VIT: variants seen among roughly 807,000 people sequenced by gnomAD.
VIT encodes the protein vitrin.
Under a neutral mutation model 78.0 loss-of-function variants are expected in VIT, and 99 were observed. The ratio of observed to expected loss-of-function variants is 1.27; its 90% confidence interval spans 1.08 to 1.50. VIT has a LOEUF of 1.50. Among genes scored for constraint, VIT ranks in the 40% most tolerant of loss-of-function variants. The pLI is 0.00. For missense variants in VIT, 1,126 were observed against 875.3 expected (o/e 1.29, Z -3.61); for synonymous variants, 374 against 334.3 (o/e 1.12, Z -1.29).
intron 12 of VIT, among the ~76,000 whole-genome samples, chr2:36,794,517 G>C (rs985491789): frequency 6.6e-6 from 1 of 152,170 alleles, no homozygotes; most frequent in Non-Finnish European, 1.5e-5. Context: ...CTGGTCCTGA[G>C]ACCTGCCACG....
intron 9 of VIT, among the ~76,000 whole-genome samples, chr2:36,781,510 A>G (rs564613869): frequency 7.2e-5 from 11 of 152,334 alleles, no homozygotes; most frequent in African/African-American, 2.4e-4. Context: ...AATGAAAAAG[A>G]AATTGGTAAA....
intron 12 of VIT, among the ~76,000 whole-genome samples, chr2:36,799,436 G>C (rs947171048): frequency 1.3e-5 from 2 of 152,212 alleles, no homozygotes; most frequent in African/African-American, 4.8e-5. Context: ...TTCTTGGCCA[G>C]GCATGGTGGC....
At chr2:36,719,421 T>C (rs538371579) in intron 2 of VIT, among the ~76,000 whole-genome samples, 8 of 152,254 alleles carry the variant, frequency 5.3e-5, no homozygotes, top group South Asian at 4.1e-4. Context: ...TGATATTATA[T>C]ACAGAAAGCC....
chr2:36,781,781 C>T lies in VIT; in HGVS notation c.847+10C>T. On this transcript the variant is annotated intron_variant, in intron 10 of 15. Transcript: ENST00000379242. ...GTCCTTTTAGATGAAGGTAATTATA[C>T]AGCCCAACCTCTCAGCCACGCGTGG... The T allele has an allele frequency of 6.2e-7, 1 of 1,614,130 alleles. No homozygotes were observed. The highest frequency in any genetic ancestry group is 8.5e-7 in the Non-Finnish European group (1 of 1,179,974).
intron 10 of VIT, among the ~76,000 whole-genome samples, chr2:36,782,266 G>A (rs1443513886): frequency 1.3e-5 from 2 of 152,192 alleles, no homozygotes; most frequent in Admixed American, 6.5e-5. Context: ...AGAGGACTCC[G>A]CCTCTGGACT....
chr2:36,769,052 C>T (rs79693619), intron 7 of VIT, among the ~76,000 whole-genome samples: 4,787 of 152,232 alleles, frequency 0.031, 186 homozygotes, highest in African/African-American at 0.089. Flanking sequence ...ATAATATTAA[C>T]ACAGGTGCAC....
At chr2:36,800,174 G>A (rs1205394498) in intron 12 of VIT, among the ~76,000 whole-genome samples, 2 of 152,050 alleles carry the variant, frequency 1.3e-5, no homozygotes, top group African/African-American at 4.8e-5. Flanking sequence ...GTGAAACCCT[G>A]TCTCTACTAA....
chr2:36,703,436 C>CT (rs1465674980), intron 1 of VIT, among the ~76,000 whole-genome samples: 1 of 147,934 alleles, frequency 6.8e-6, no homozygotes, highest in East Asian at 2.1e-4. Context: ...CACCTATTGT[C>CT]TTGAGGCCTC....
chr2:36,781,225 A>G (rs903848429), intron 9 of VIT, among the ~76,000 whole-genome samples: 1 of 152,220 alleles, frequency 6.6e-6, no homozygotes, highest in Non-Finnish European at 1.5e-5. Flanking sequence ...ACCTAGAACG[A>G]TATTAGGCAT....
intron 2 of VIT, among the ~76,000 whole-genome samples, chr2:36,719,468 A>G (rs1423344334): frequency 6.6e-6 from 1 of 152,236 alleles, no homozygotes; most frequent in East Asian, 1.9e-4. Flanking sequence ...GAACTAACAA[A>G]TGAATTCAGT....
Position 36,759,035 on chromosome 2 carries a change from C to A in VIT, c.476C>A (p.Ala159Asp). 6.2e-7 allele frequency: 1 copy of A among 1,614,116 alleles called. No homozygotes were observed. Among genetic ancestry groups the A allele is most frequent in the Non-Finnish European group, 8.5e-7 (1 of 1,180,040 alleles). The change falls in exon 6 of 16, where the codon GCT becomes GAT. Residue 159 changes from alanine to aspartate, a missense_variant. Coordinates refer to ENST00000379242, the MANE Select transcript of VIT (RefSeq NM_053276.4). ...ACATACTCATCATCGAAAAGTCCAG[C>A]TGCCCAAGCAGGCAAGTGCTCACGT... ...ALTYSSSKSP[A>D]AQAGETTKAY...
intron 4 of VIT, among the ~76,000 whole-genome samples, chr2:36,751,242 G>T (rs1175533737): frequency 6.6e-6 from 1 of 152,036 alleles, no homozygotes; most frequent in Non-Finnish European, 1.5e-5. Flanking sequence ...CTAAAAATAT[G>T]AAAATCAGCT....
intron 1 of VIT, among the ~76,000 whole-genome samples, chr2:36,713,199 A>T (rs1400881515): frequency 1.3e-5 from 2 of 152,228 alleles, no homozygotes; most frequent in Non-Finnish European, 2.9e-5. Context: ...GGAATGTCTC[A>T]TGACAGGTAA....
At chr2:36,795,429 C>T (rs1044565284) in intron 12 of VIT, among the ~76,000 whole-genome samples, 18 of 149,348 alleles carry the variant, frequency 1.2e-4, no homozygotes, top group African/African-American at 2.2e-4. Flanking sequence ...TTTATTGAGA[C>T]GGAGTTTCGC....
intron 13 of VIT, 130 bp from the exon 14 acceptor site, chr2:36,805,308 G>GCA: frequency 1.7e-6 from 1 of 585,216 alleles, no homozygotes; most frequent in Non-Finnish European, 2.4e-6. Flanking sequence ...TGTCTCAAAG[G>GCA]AAAAAAAAAA....
intron 15 of VIT, among the ~76,000 whole-genome samples, chr2:36,812,034 T>G (rs1223764202): frequency 6.6e-6 from 1 of 152,162 alleles, no homozygotes. Flanking sequence ...CTCTCCATCT[T>G]TGAGCGGGAA....
chr2:36,808,435 C>T (rs1666892263), intron 14 of VIT, 37 bp from the exon 15 acceptor site: 2 of 1,565,204 alleles, frequency 1.3e-6, no homozygotes, highest in Non-Finnish European at 1.7e-6. Context: ...AGGATTTGAC[C>T]CTGACGTGGC....
chr2:36,755,147 C>G, intron 5 of VIT, 93 bp downstream of exon 5: 1 of 1,342,378 alleles, frequency 7.4e-7, no homozygotes, highest in East Asian at 2.6e-5. Flanking sequence ...TATGGCCCAC[C>G]TCATTTCATA....
At chr2:36,747,270 T>C (rs1456794494) in intron 4 of VIT, among the ~76,000 whole-genome samples, 1 of 152,164 alleles carries the variant, frequency 6.6e-6, no homozygotes, top group Non-Finnish European at 1.5e-5. Flanking sequence ...AGAATGTGTA[T>C]CTGTGGTTGT....
Sources: allele counts gnomAD v4.1 joint callset (sites outside exome capture counted in the v4.1 genomes callset), GRCh38; gene constraint gnomAD v4.1.1; transcripts MANE v1.5; gene names NCBI Gene and HGNC (gene_info 2026-07-23, HGNC 2026-07-21).